Variants in MUC5B observed in about 807,000 individuals in gnomAD.
The protein encoded by MUC5B is mucin 5B, oligomeric mucus/gel-forming.
Under a neutral mutation model 376.9 loss-of-function variants are expected in MUC5B, and 116 were observed. The ratio of observed to expected loss-of-function variants is 0.31; its 90% confidence interval spans 0.26 to 0.36. The LOEUF is 0.36. Ranked by LOEUF, MUC5B falls within the 10% of genes least tolerant of loss-of-function variation. The probability of loss-of-function intolerance (pLI) is 1.00; values close to 1 mark genes in which losing one functional copy is unlikely to be tolerated. For synonymous variants in MUC5B, 3,517 were observed against 3,390.9 expected (o/e 1.04, Z -1.29); for missense variants, 7,165 against 7,769.9 (o/e 0.92, Z 2.93).
Position 1,254,857 on chromosome 11 carries a change from A to G in MUC5B, c.15641A>G (p.His5214Arg). The change falls in exon 35 of 49, where the codon CAC becomes CGC. Residue 5214 changes from histidine (H) to arginine (R), a missense_variant. Physicochemically the swap from His to Arg is conservative, Grantham distance 29. Around this residue, in one of 31 missense-constraint regions of MUC5B, gnomAD observed 842 missense variants for 1,016.9 expected, o/e 0.83. Coordinates refer to ENST00000529681, the MANE Select transcript of MUC5B (RefSeq NM_002458.3). ...FQARLPYSLF[H>R]NNTEGQCGTC... ...GCCCGGCTGCCCTACAGCCTCTTCCACAACAACACCGAGGGCCAGTGCGGT... is the reference window on the plus strand; with the variant it reads ...GCCCGGCTGCCCTACAGCCTCTTCCGCAACAACACCGAGGGCCAGTGCGGT... The G allele has an allele frequency of 6.2e-7, 1 of 1,611,756 alleles. No individual in the cohort carries two copies. The highest frequency in any genetic ancestry group is 1.7e-5 in the Admixed American group (1 of 59,988).
At position 1,241,128 on chromosome 11, in the gene MUC5B, C is replaced by G. The variant is rs1862271938; in HGVS notation, c.4248C>G (p.Leu1416=). ...CCAACAGCCAACAGAGTCCCCCGCT[C>G]TGTCACGACTACGAGCTGCGGGTTC... The part of the protein sequence containing the change: ...MCANSQQSPP[L]CHDYELRVLC... The change falls in exon 31 of 49, where the codon CTC becomes CTG. Residue 1416 remains leucine, a synonymous_variant. Coordinates refer to ENST00000529681, the MANE Select transcript of MUC5B (RefSeq NM_002458.3). 8 of 1,611,436 alleles carry G rather than the reference C, an allele frequency of 5.0e-6. No individual in the cohort carries two copies. The highest frequency in any genetic ancestry group is 5.9e-6 in the Non-Finnish European group (7 of 1,179,060).
rs751701278 is a variant in MUC5B, at chr11:1,248,266, G to C, written c.11386G>C (p.Ala3796Pro). The change falls in exon 31 of 49, where the codon GCC (alanine) becomes CCC (proline). Residue 3796 changes from alanine to proline, a missense_variant. This residue lies in a region of MUC5B where 72 missense variants were observed against 127.8 expected (regional missense o/e 0.56). Transcript: ENST00000529681. Reference sequence around the variant, plus strand: ...CACACCCACAGCTACCAGCTTTACAGCCATCCCCTCCTCCTCCCTGGGCAC... The same window carrying C: ...CACACCCACAGCTACCAGCTTTACACCCATCCCCTCCTCCTCCCTGGGCAC... The part of the protein sequence containing the change: ...ATTPTATSFT[A>P]IPSSSLGTTW... 7.5e-6 allele frequency: 12 copies of C among 1,596,968 alleles called. No individual in the cohort carries two copies. Among genetic ancestry groups the C allele is most frequent in the Middle Eastern group, 1.7e-4 (1 of 5,744 alleles).
intron 10 of MUC5B, 71 bp from the exon 11 acceptor site, chr11:1,229,934 C>G (rs552889972): frequency 3.9e-6 from 6 of 1,552,640 alleles, no homozygotes; most frequent in Non-Finnish European, 5.2e-6. Flanking sequence ...CCTCCGCCTG[C>G]GGTGGGGGTG....
chr11:1,233,077 C>T lies in MUC5B; in HGVS notation c.2130C>T (p.Pro710=). 6.2e-7 allele frequency: 1 copy of T among 1,606,900 alleles called. No individual in the cohort carries two copies. Among genetic ancestry groups the T allele is most frequent in the Non-Finnish European group, 8.5e-7 (1 of 1,179,094 alleles). ...RYAYVVDACQ[P]TCRGLSEADV... Reference sequence around the variant, plus strand: ...CCTACGTGGTGGATGCCTGCCAGCCCACTTGCCGCGGCCTGAGTGAGGCCG... The same window carrying T: ...CCTACGTGGTGGATGCCTGCCAGCCTACTTGCCGCGGCCTGAGTGAGGCCG... The change falls in exon 18 of 49, where the codon CCC becomes CCT. Residue 710 remains proline (P), a synonymous_variant. Coordinates refer to ENST00000529681, the MANE Select transcript of MUC5B (RefSeq NM_002458.3).
chr11:1,242,379 G>T lies in MUC5B; in HGVS notation c.5499G>T (p.Glu1833Asp). Residue 1833 changes from glutamate (E) to aspartate (D), a missense_variant, in exon 31 of 49, where the codon GAG becomes GAT. By Grantham distance (45) the Glu-to-Asp change is conservative. This residue lies in a region of MUC5B where 897 missense variants were observed against 779.6 expected (regional missense o/e 1.15). Transcript: ENST00000529681. ...CAAAGAGCATAGAGTGCCGGGCGGA[G>T]AACTACCCCGAGGTAAGCATCGACC... ...WAPKSIECRAENYPEVSIDQV... is the reference protein window; with the variant it reads ...WAPKSIECRADNYPEVSIDQV... 6.2e-7 allele frequency: 1 copy of T among 1,613,884 alleles called. No individual in the cohort carries two copies. The highest frequency in any genetic ancestry group is 8.5e-7 in the Non-Finnish European group (1 of 1,179,854).
rs1862577019 is a variant in MUC5B at position 1,248,760 on chromosome 11, C to G, written c.11880C>G (p.Thr3960=). The change falls in exon 31 of 49, where the codon ACC becomes ACG. Residue 3960 remains threonine, a synonymous_variant. Coordinates refer to ENST00000529681, the MANE Select transcript of MUC5B (RefSeq NM_002458.3). ...CTACGATCACGGCCACCGGCTCCACCACCAACCCCTCCTCAACTCCAGGGA... is the reference window on the plus strand; with the variant it reads ...CTACGATCACGGCCACCGGCTCCACGACCAACCCCTCCTCAACTCCAGGGA... The part of the protein sequence containing the change: ...TATTITATGS[T]TNPSSTPGTT... 1 of 1,552,460 alleles carries G rather than the reference C, an allele frequency of 6.4e-7. No homozygotes were observed. The highest frequency in any genetic ancestry group is 1.4e-5 in the African/African-American group (1 of 72,710).
In MUC5B at chr11:1,245,073, C is replaced by A; in HGVS notation, c.8193C>A (p.Ser2731Arg). Reference protein sequence around the residue: ...TTATTPAATSSTVTPSSALGT... With the variant: ...TTATTPAATSRTVTPSSALGT... ...CCACCACACCTGCAGCCACCAGCAG[C>A]ACAGTGACTCCCTCCTCTGCCCTAG... The change falls in exon 31 of 49, where the codon AGC becomes AGA. Residue 2731 changes from serine (S) to arginine (R), a missense_variant. Transcript: ENST00000529681. 2 of 1,519,028 alleles carry A rather than the reference C, an allele frequency of 1.3e-6. No homozygotes were observed. Among genetic ancestry groups the A allele is most frequent in the South Asian group, 2.4e-5 (2 of 83,390 alleles). 94.1% of individuals were successfully genotyped at this position (1,519,028 alleles called of 1,614,324 possible).
chr11:1,241,631 T>C lies in MUC5B; in HGVS notation c.4751T>C (p.Val1584Ala). The change falls in exon 31 of 49, where the codon GTC becomes GCC. Residue 1584 changes from valine to alanine, a missense_variant. Transcript: ENST00000529681. Reference protein sequence around the residue: ...LVCRNWEQEGVFKMCYNYRIR... With the variant: ...LVCRNWEQEGAFKMCYNYRIR... Reference sequence around the variant, plus strand: ...TGCAGGAACTGGGAGCAGGAGGGCGTCTTCAAGATGTGCTACAACTACAGG... The same window carrying C: ...TGCAGGAACTGGGAGCAGGAGGGCGCCTTCAAGATGTGCTACAACTACAGG... 6.2e-7 allele frequency: 1 copy of C among 1,612,200 alleles called. No homozygotes were observed. Among genetic ancestry groups the C allele is most frequent in the South Asian group, 1.1e-5 (1 of 90,976 alleles).
At chr11:1,224,595 G>A (rs1218966087) in intron 1 of MUC5B, among the ~76,000 whole-genome samples, 1 of 145,976 alleles carries the variant, frequency 6.9e-6, no homozygotes, top group Non-Finnish European at 1.5e-5. Flanking sequence ...CTGGGGTGGG[G>A]AGGGGCTGCC....
Position 1,248,850 on chromosome 11 carries a change from G to A in MUC5B, c.11970G>A (p.Val3990=). The change falls in exon 31 of 49, where the codon GTG becomes GTA. Residue 3990 remains valine (V), a synonymous_variant. Transcript: ENST00000529681. Reference sequence around the variant, plus strand: ...CACCTGCAGCCACCAGCAGCACAGTGACTCCCTCCTCTGCCCTAGGGACCA... The same window carrying A: ...CACCTGCAGCCACCAGCAGCACAGTAACTCCCTCCTCTGCCCTAGGGACCA... ...ATTPAATSST[V]TPSSALGTTH... is the part of the protein sequence containing the mutation. 1 of 1,546,140 alleles carries A rather than the reference G, an allele frequency of 6.5e-7. No homozygotes were observed. Among genetic ancestry groups the A allele is most frequent in the Non-Finnish European group, 8.7e-7 (1 of 1,145,346 alleles).
Position 1,260,368 on chromosome 11 carries a change from C to G in MUC5B, c.16941C>G (p.Thr5647=), listed in dbSNP as rs1450588467. ...CCCACCAGGGGAGCCTCAGGAAAAC[C>G]GGCTGCTGCTACTCCTGTGAGGAGG... ...VSSCRGSLRK[T]GCCYSCEEDS... The change falls in exon 47 of 49, where the codon ACC becomes ACG. Residue 5647 remains threonine, a synonymous_variant. Coordinates refer to ENST00000529681, the MANE Select transcript of MUC5B (RefSeq NM_002458.3). 2 of 1,612,524 alleles carry G rather than the reference C, an allele frequency of 1.2e-6. No homozygotes were observed.
intron 14 of MUC5B, 112 bp from the exon 15 acceptor site, chr11:1,231,883 TG>T: frequency 2.1e-6 from 3 of 1,424,434 alleles, no homozygotes; most frequent in East Asian, 2.4e-5. Flanking sequence ...AGCAGAATCC[TG>T]GGACAGGGCT....
rs1404943743 is a variant in MUC5B, at chr11:1,239,463, A to C, written c.3480A>C (p.Pro1160=). ...CCTTGTTCTGTGACTTCTACAACCC[A>C]CATGGGGGCTGTGAGTGGCACTACC... is the stretch of plus-strand genomic sequence containing the variant. ...TCPLFCDFYN[P]HGGCEWHYQP... is the part of the protein sequence containing the mutation. Residue 1160 remains proline (P), a synonymous_variant, in exon 27 of 49, where the codon CCA becomes CCC. Coordinates refer to ENST00000529681, the MANE Select transcript of MUC5B (RefSeq NM_002458.3). 6.2e-7 allele frequency: 1 copy of C among 1,607,992 alleles called. No individual in the cohort carries two copies. The highest frequency in any genetic ancestry group is 8.5e-7 in the Non-Finnish European group (1 of 1,176,232).
Position 1,258,697 on chromosome 11 carries a change from C to CA in MUC5B, c.16594-244dup, listed in dbSNP as rs1433759479. Reference sequence around the variant, plus strand: ...TTCCTGCCTGCCAGATTCCTGCCCCCATGGGGTCTCTGCCCACCCAGATTC... The same window carrying CA: ...TTCCTGCCTGCCAGATTCCTGCCCCCAATGGGGTCTCTGCCCACCCAGATTC... On this transcript the variant is annotated intron_variant, in intron 43 of 48. Coordinates refer to ENST00000529681, the MANE Select transcript of MUC5B (RefSeq NM_002458.3). The surrounding 1 kb of genome is among the most constrained non-coding windows in gnomAD (Gnocchi z 5.5). Among the ~76,000 whole-genome samples the CA allele has an allele frequency of 6.6e-6, 1 of 152,086 alleles. No individual in the cohort carries two copies. The highest frequency in any genetic ancestry group is 1.5e-5 in the Non-Finnish European group (1 of 67,990).
chr11:1,229,153 C>T lies in MUC5B; in HGVS notation c.977-17C>T, dbSNP rs536271584. The T allele has an allele frequency of 2.9e-5, 46 of 1,569,550 alleles. No individual in the cohort carries two copies. Among genetic ancestry groups the T allele is most frequent in the South Asian group, 2.9e-4 (25 of 85,890 alleles). ...CAGGGCCCTTCCCCTGGCCCAGCCCCACCTCCTTTTGCGCAGCCCGGACCT... is the reference window on the plus strand; with the variant it reads ...CAGGGCCCTTCCCCTGGCCCAGCCCTACCTCCTTTTGCGCAGCCCGGACCT... On this transcript the variant is annotated splice_polypyrimidine_tract_variant and intron_variant, in intron 8 of 48. Transcript: ENST00000529681.
At position 1,232,539 on chromosome 11, in the gene MUC5B, C is replaced by T. The variant is rs765128605; in HGVS notation, c.1933C>T (p.His645Tyr). Residue 645 changes from histidine (H) to tyrosine (Y), a missense_variant, in exon 16 of 49, where the codon CAC becomes TAC. His to Tyr is a moderately conservative substitution (Grantham distance 83, BLOSUM62 2). Coordinates refer to ENST00000529681, the MANE Select transcript of MUC5B (RefSeq NM_002458.3). Reference protein sequence around the residue: ...CHSIINPKPFHSNCMFDTCNC... With the variant: ...CHSIINPKPFYSNCMFDTCNC... ...CTCCATCATCAACCCCAAGCCCTTC[C>T]ACTCGGTGAGAGGCTGAGGCCAGAC... is the stretch of plus-strand genomic sequence containing the variant. 48 of 1,610,212 alleles carry T rather than the reference C, an allele frequency of 3.0e-5. No individual in the cohort carries two copies. Among genetic ancestry groups the T allele is most frequent in the Non-Finnish European group, 3.4e-5 (40 of 1,178,852 alleles).
Position 1,255,452 on chromosome 11 carries a change from C to T in MUC5B, c.15960C>T (p.Cys5320=), listed in dbSNP as rs1862815383. Residue 5320 remains cysteine (C), a synonymous_variant, in exon 37 of 49, where the codon TGC becomes TGT. Transcript: ENST00000529681. ...PFFNACISDH[C]RGRLEVPCQS... Reference sequence around the variant, plus strand: ...TCAACGCCTGCATCAGCGACCACTGCAGGGGCCGCCTTGAGGTGCCCTGCC... The same window carrying T: ...TCAACGCCTGCATCAGCGACCACTGTAGGGGCCGCCTTGAGGTGCCCTGCC... 6.2e-7 allele frequency: 1 copy of T among 1,600,066 alleles called. No homozygotes were observed. The highest frequency in any genetic ancestry group is 1.7e-5 in the Admixed American group (1 of 58,502).
In MUC5B at chr11:1,242,762, C is replaced by T. The variant is rs1277642062; in HGVS notation, c.5882C>T (p.Thr1961Ile). Residue 1961 changes from threonine (T) to isoleucine (I), a missense_variant, in exon 31 of 49, where the codon ACT becomes ATT. Transcript: ENST00000529681. ...SKATPSSSPG[T>I]ATALPALRST... ...GCCACTCCCTCCTCCAGTCCAGGGACTGCAACCGCCCTTCCAGCACTGAGA... is the reference window on the plus strand; with the variant it reads ...GCCACTCCCTCCTCCAGTCCAGGGATTGCAACCGCCCTTCCAGCACTGAGA... The T allele has an allele frequency of 3.1e-6, 5 of 1,613,488 alleles. No individual in the cohort carries two copies. Among genetic ancestry groups the T allele is most frequent in the Non-Finnish European group, 4.2e-6 (5 of 1,179,622 alleles).
chr11:1,227,142 C>A lies in MUC5B; in HGVS notation c.573C>A (p.Ala191=). The change falls in exon 5 of 49, where the codon GCC becomes GCA. Residue 191 remains alanine (A), a synonymous_variant. Transcript: ENST00000529681. ...LTFLWNGEDS[A]LLELDPKYAN... is the part of the protein sequence containing the mutation. ...TCCTGTGGAACGGAGAGGACAGTGC[C>A]CTGGTGAGGAAGCCCCCTCGCCCCT... 1 of 1,610,384 alleles carries A rather than the reference C, an allele frequency of 6.2e-7. No homozygotes were observed.
Sources: allele counts gnomAD v4.1 joint callset (sites outside exome capture counted in the v4.1 genomes callset), GRCh38; gene constraint gnomAD v4.1.1; regional missense constraint gnomAD v4.1.1; non-coding constraint Gnocchi (gnomAD v3.1); transcripts MANE v1.5; gene names NCBI Gene and HGNC (gene_info 2026-07-23, HGNC 2026-07-21).